LMNTD1: variants seen among roughly 807,000 people sequenced by gnomAD.
LMNTD1 encodes the protein lamin tail domain-containing protein 1.
Under a neutral mutation model 50.9 loss-of-function variants are expected in LMNTD1, and 35 were observed. The ratio of observed to expected loss-of-function variants is 0.69; its 90% CI spans 0.53 to 0.91. The LOEUF is 0.91. Ranked by LOEUF, LMNTD1 falls within the 40% of genes least tolerant of loss-of-function variation. LMNTD1 has a pLI of 0.00. For synonymous variants in LMNTD1, 153 were observed against 161.9 expected, an observed-to-expected ratio of 0.94 and a Z score of 0.42; for missense variants, 470 against 475.5, an observed-to-expected ratio of 0.99 and a Z score of 0.11.
At chr12:25,619,250 CTCTATA>C (rs1427158096) in intron 1 of LMNTD1, among the ~76,000 whole-genome samples, 6,301 of 77,996 alleles carry the variant, frequency 0.081, 138 homozygotes, top group Non-Finnish European at 0.11. Context: ...CTCTCTCTCT[CTCTATA>C]TATATATATA....
intron 9 of LMNTD1, chr12:25,499,985 A>G (rs1939294327): frequency 6.6e-6 from 1 of 152,188 alleles, no homozygotes; most frequent in Non-Finnish European, 1.5e-5. Context: ...CCATGACACC[A>G]TAAAGGTAAA....
intron 8 of LMNTD1, among the ~76,000 whole-genome samples, chr12:25,515,333 T>C (rs1479373497): frequency 6.6e-6 from 1 of 152,070 alleles, no homozygotes; most frequent in Non-Finnish European, 1.5e-5. Context: ...GTGACTGAAT[T>C]AGGTCTCTCT....
At chr12:25,559,026 C>T (rs1177796834) in intron 1 of LMNTD1, among the ~76,000 whole-genome samples, 1 of 150,460 alleles carries the variant, frequency 6.6e-6, no homozygotes, top group Non-Finnish European at 1.5e-5. Flanking sequence ...TTTATTTAAT[C>T]ACTATACTTC....
At chr12:25,628,545 G>A (rs959074264) in intron 1 of LMNTD1, among the ~76,000 whole-genome samples, 2 of 152,218 alleles carry the variant, frequency 1.3e-5, no homozygotes, top group Admixed American at 1.3e-4. Context: ...ACCTTATATG[G>A]CAAGGGGAAC....
At chr12:25,512,863 A>G (rs202193183) in intron 8 of LMNTD1, among the ~76,000 whole-genome samples, 1 of 130,356 alleles carries the variant, frequency 7.7e-6, no homozygotes. Flanking sequence ...TTTTTTTTTT[A>G]TGGGGGGGGG....
chr12:25,646,867 A>G (rs1183905765), intron 1 of LMNTD1, among the ~76,000 whole-genome samples: 1 of 152,230 alleles, frequency 6.6e-6, no homozygotes, highest in African/African-American at 2.4e-5. Flanking sequence ...GAGTATTTGC[A>G]TTTTAGTCTT....
At chr12:25,637,405 A>G (rs1049366659) in intron 1 of LMNTD1, among the ~76,000 whole-genome samples, 3 of 152,176 alleles carry the variant, frequency 2.0e-5, no homozygotes, top group Non-Finnish European at 2.9e-5. Context: ...GAGAATACCC[A>G]TTAAGAAATA....
chr12:25,543,980 T>C (rs1943266311), intron 4 of LMNTD1, among the ~76,000 whole-genome samples: 2 of 151,940 alleles, frequency 1.3e-5, no homozygotes. Flanking sequence ...TTGATATTTG[T>C]TTTGTGGCTT....
intron 6 of LMNTD1, 25 bp downstream of exon 6, chr12:25,526,074 C>G (rs79553131): frequency 1.4e-6 from 2 of 1,460,994 alleles, no homozygotes; most frequent in African/African-American, 1.5e-5. Flanking sequence ...AAAAAAAAAA[C>G]GATTGTTAAG....
At chr12:25,550,900 G>A (rs1393337236) in intron 2 of LMNTD1, among the ~76,000 whole-genome samples, 2 of 152,298 alleles carry the variant, frequency 1.3e-5, no homozygotes, top group South Asian at 4.1e-4. Flanking sequence ...AAAATGTCAT[G>A]ATTACTAGCC....
chr12:25,536,181 A>G (rs772298188), intron 4 of LMNTD1, among the ~76,000 whole-genome samples: 1 of 152,116 alleles, frequency 6.6e-6, no homozygotes, highest in Non-Finnish European at 1.5e-5. Context: ...ACAAGTAGAC[A>G]AAAAAATCAG....
chr12:25,582,342 A>G (rs574214431), intron 1 of LMNTD1: 5 of 152,216 alleles, frequency 3.3e-5, no homozygotes, highest in Admixed American at 1.3e-4. Context: ...TTATCATCCT[A>G]TGATGTAATA....
At chr12:25,604,689 T>C in intron 1 of LMNTD1, among the ~76,000 whole-genome samples, 1 of 152,234 alleles carries the variant, frequency 6.6e-6, no homozygotes, top group Non-Finnish European at 1.5e-5. Flanking sequence ...CATCATTTTT[T>C]ATGGCTGCAT....
At chr12:25,620,824 A>G (rs1946458014) in intron 1 of LMNTD1, among the ~76,000 whole-genome samples, 1 of 152,178 alleles carries the variant, frequency 6.6e-6, no homozygotes, top group South Asian at 2.1e-4. Context: ...GTCAATATCT[A>G]TGAATTCTTG....
At chr12:25,524,733 C>T (rs1251245085) in intron 6 of LMNTD1, among the ~76,000 whole-genome samples, 1 of 151,742 alleles carries the variant, frequency 6.6e-6, no homozygotes, top group African/African-American at 2.4e-5. Flanking sequence ...CATTGTGTAT[C>T]CTCATTTTCT....
At chr12:25,622,730 C>T (rs1416956393) in intron 1 of LMNTD1, among the ~76,000 whole-genome samples, 3 of 152,070 alleles carry the variant, frequency 2.0e-5, no homozygotes, top group African/African-American at 4.8e-5. Context: ...TCTGACCTCA[C>T]GTATTCAGAG....
At chr12:25,616,197 T>A (rs1309127207) in intron 1 of LMNTD1, among the ~76,000 whole-genome samples, 1 of 152,132 alleles carries the variant, frequency 6.6e-6, no homozygotes, top group South Asian at 2.1e-4. Flanking sequence ...AGCTGACTAT[T>A]TTTAGACAGG....
intron 1 of LMNTD1, among the ~76,000 whole-genome samples, chr12:25,598,386 T>C (rs1945886105): frequency 6.6e-6 from 1 of 150,378 alleles, no homozygotes; most frequent in Non-Finnish European, 1.5e-5. Context: ...TAGCTATAAA[T>C]GCCTACATCA....
chr12:25,533,541 G>T (rs1348834241), intron 4 of LMNTD1, among the ~76,000 whole-genome samples: 1 of 152,104 alleles, frequency 6.6e-6, no homozygotes, highest in Non-Finnish European at 1.5e-5. Flanking sequence ...TATCTTTGAA[G>T]TTCCAGTTCT....
Sources: allele counts gnomAD v4.1 joint callset (sites outside exome capture counted in the v4.1 genomes callset), GRCh38; gene constraint gnomAD v4.1.1; transcripts MANE v1.5; gene names NCBI Gene and HGNC (gene_info 2026-07-23, HGNC 2026-07-21).